The following NIBAN1 variants were observed in gnomAD, a reference collection of about 807,000 sequenced individuals.
The protein encoded by NIBAN1 is niban apoptosis regulator 1.
Under a neutral mutation model 75.1 loss-of-function variants are expected in NIBAN1, and 81 were observed. The ratio of observed to expected loss-of-function variants is 1.08; its 90% CI spans 0.90 to 1.30. NIBAN1 has a LOEUF of 1.30. Among genes scored for constraint, NIBAN1 ranks in the 50% most tolerant of loss-of-function variants. NIBAN1 has a pLI of 0.00. For missense variants in NIBAN1, 1,133 were observed against 1,128.1 expected (o/e 1.00, Z -0.06); for synonymous variants, 436 against 424.8 (o/e 1.03, Z -0.32).
intron 5 of NIBAN1, among the ~76,000 whole-genome samples, chr1:184,839,657 A>G (rs748588486): frequency 2.0e-5 from 3 of 151,328 alleles, no homozygotes; most frequent in Non-Finnish European, 2.9e-5. Flanking sequence ...GTGCAATGGC[A>G]CGATCTTGGT....
intron 4 of NIBAN1, among the ~76,000 whole-genome samples, chr1:184,887,417 A>G (rs1263142441): frequency 6.6e-6 from 1 of 152,238 alleles, no homozygotes; most frequent in Non-Finnish European, 1.5e-5. Flanking sequence ...AAGTGACTAC[A>G]TAAAATAAGA....
rs1024844817 is a variant in NIBAN1, at chr1:184,906,357, G to C, written c.56-7048C>G. 2.0e-5 allele frequency among the ~76,000 whole-genome samples: 3 copies of C among 151,594 alleles called. No individual in the cohort carries two copies. The South Asian group carries it at 6.3e-4, about 32-fold the overall frequency. ...TAAAATATCAGACTCTTGGCTGGGC[G>C]CGGTGGCTCACACCTGTAATCCTAG... On this transcript the variant is annotated intron_variant, in intron 1 of 13. Coordinates refer to ENST00000367511, the MANE Select transcript of NIBAN1 (RefSeq NM_052966.4).
intron 1 of NIBAN1, among the ~76,000 whole-genome samples, chr1:184,922,122 C>T (rs1657570278): frequency 6.6e-6 from 1 of 151,746 alleles, no homozygotes; most frequent in Admixed American, 6.6e-5. Context: ...TTTTGTGGGT[C>T]CATAGTAGGT....
At chr1:184,900,813 G>A (rs1464937821) in intron 1 of NIBAN1, among the ~76,000 whole-genome samples, 2 of 152,204 alleles carry the variant, frequency 1.3e-5, no homozygotes, top group Non-Finnish European at 2.9e-5. Context: ...TAAGCGATGA[G>A]TCCGCAGAAC....
chr1:184,970,798 ACCCTC>A (rs1557936144), intron 1 of NIBAN1, among the ~76,000 whole-genome samples: 1 of 151,996 alleles, frequency 6.6e-6, no homozygotes, highest in Non-Finnish European at 1.5e-5. Flanking sequence ...TACTTTTCTG[ACCCTC>A]CACAGGACTT....
At chr1:184,856,389 A>G (rs561863465) in intron 5 of NIBAN1, among the ~76,000 whole-genome samples, 4 of 152,138 alleles carry the variant, frequency 2.6e-5, no homozygotes, top group Non-Finnish European at 5.9e-5. Context: ...TACCTAACAT[A>G]CAGTAAGGGT....
chr1:184,933,269 T>C (rs952587735), intron 1 of NIBAN1, among the ~76,000 whole-genome samples: 2 of 152,210 alleles, frequency 1.3e-5, no homozygotes, highest in Admixed American at 1.3e-4. Flanking sequence ...TTAAGGTCCA[T>C]TCACTCAACA....
At chr1:184,897,276 A>G (rs1441979640) in intron 2 of NIBAN1, among the ~76,000 whole-genome samples, 2 of 89,740 alleles carry the variant, frequency 2.2e-5, no homozygotes, top group African/African-American at 1.2e-4. Flanking sequence ...ATGTACTCCT[A>G]AGTGTGTGTG....
intron 1 of NIBAN1, among the ~76,000 whole-genome samples, chr1:184,917,749 T>G (rs1657431923): frequency 6.6e-6 from 1 of 152,078 alleles, no homozygotes; most frequent in African/African-American, 2.4e-5. Flanking sequence ...AATTATCTCC[T>G]TTTTCTCGGA....
At chr1:184,924,262 C>A (rs900405023) in intron 1 of NIBAN1, among the ~76,000 whole-genome samples, 1 of 151,900 alleles carries the variant, frequency 6.6e-6, no homozygotes, top group Non-Finnish European at 1.5e-5. Context: ...AAAGGGATGT[C>A]GAATTTTATC....
At chr1:184,874,880 A>ATT (rs945500205) in intron 5 of NIBAN1, among the ~76,000 whole-genome samples, 1 of 151,964 alleles carries the variant, frequency 6.6e-6, no homozygotes. Flanking sequence ...TAGAATATAT[A>ATT]TTGTTTTCAA....
chr1:184,805,023 C>T (rs1266421184), intron 11 of NIBAN1, among the ~76,000 whole-genome samples: 1 of 152,116 alleles, frequency 6.6e-6, no homozygotes, highest in Non-Finnish European at 1.5e-5. Context: ...CTCCTGACCT[C>T]GTGATCTGCC....
intron 5 of NIBAN1, among the ~76,000 whole-genome samples, chr1:184,862,003 T>C (rs555981337): frequency 3.2e-4 from 49 of 152,276 alleles, no homozygotes; most frequent in African/African-American, 1.0e-3. Context: ...TCTATCCTTT[T>C]CTCCACAGGT....
chr1:184,963,239 T>C (rs912572377), intron 1 of NIBAN1, among the ~76,000 whole-genome samples: 2 of 152,086 alleles, frequency 1.3e-5, no homozygotes, highest in African/African-American at 4.8e-5. Flanking sequence ...TTTAATAAAA[T>C]TCAGTATATA....
At chr1:184,829,231 A>G (rs370383400) in intron 6 of NIBAN1, among the ~76,000 whole-genome samples, 21 of 152,136 alleles carry the variant, frequency 1.4e-4, no homozygotes, top group African/African-American at 4.3e-4. Flanking sequence ...TACTATGACC[A>G]CTTGCACAAA....
rs572842531 is a variant in NIBAN1 at position 184,873,395 on chromosome 1, C to T, written c.601+11238G>A. Among the ~76,000 whole-genome samples, 3 of 152,266 alleles carry T rather than the reference C, an allele frequency of 2.0e-5. No individual in the cohort carries two copies. In the South Asian group the frequency reaches 6.2e-4, roughly 32 times the overall value. On this transcript the variant is annotated intron_variant, in intron 5 of 13. Transcript: ENST00000367511. The stretch of plus-strand genomic sequence containing the variant: ...CATATTGATTATTTTGAGCCAAAGG[C>T]AATTGAGAAACAACAGATGCAAGAA...
At position 184,823,659 on chromosome 1, in the gene NIBAN1, G is replaced by T; in HGVS notation, c.801C>A (p.Asp267Glu). The change falls in exon 7 of 14, where the codon GAC (aspartate) becomes GAA (glutamate). Residue 267 changes from aspartate to glutamate, a missense_variant. By Grantham distance (45) the Asp-to-Glu change is conservative. Coordinates refer to ENST00000367511, the MANE Select transcript of NIBAN1 (RefSeq NM_052966.4). ...TTACACCAAGCCACGTCCTCTTTCT[G>T]TCATTCTTCTTCCCCTTCATCTTAG... ...LLPKMKGKKN[D>E]RKRTWLGLLE... 2 of 1,614,174 alleles carry T rather than the reference G, an allele frequency of 1.2e-6. No individual in the cohort carries two copies. Among genetic ancestry groups the T allele is most frequent in the South Asian group, 1.1e-5 (1 of 91,088 alleles).
chr1:184,835,169 T>G (rs1443771835), intron 5 of NIBAN1, among the ~76,000 whole-genome samples: 1 of 152,204 alleles, frequency 6.6e-6, no homozygotes, highest in Non-Finnish European at 1.5e-5. Flanking sequence ...GTGGTGTTAG[T>G]TCTGAGGCCT....
intron 1 of NIBAN1, among the ~76,000 whole-genome samples, chr1:184,911,062 TACACACACAC>T (rs35550596): frequency 4.2e-5 from 6 of 144,348 alleles, no homozygotes; most frequent in Admixed American, 1.4e-4. Flanking sequence ...TTATAACAAA[TACACACACAC>T]ACACACACAC....
Sources: gnomAD v4.1 joint callset for allele counts (sites outside exome capture counted in the v4.1 genomes callset) on GRCh38, gnomAD v4.1.1 for gene constraint, MANE v1.5 for transcripts, NCBI Gene and HGNC (gene_info 2026-07-23, HGNC 2026-07-21) for gene names.